MPRIP: variants seen among roughly 807,000 people sequenced by gnomAD.
MPRIP encodes the protein myosin phosphatase Rho-interacting protein.
Under a neutral mutation model 234.9 loss-of-function variants are expected in MPRIP, and 59 were observed. That is an observed-to-expected ratio of 0.25 (90% CI 0.20 to 0.31). The LOEUF is 0.31. MPRIP is among the 10% of genes least tolerant of loss of function. The pLI is 1.00. For synonymous variants in MPRIP, 1,144 were observed against 1,263.9 expected, an observed-to-expected ratio of 0.91 and a Z score of 2.01; for missense variants, 2,436 against 3,071.0, an observed-to-expected ratio of 0.79 and a Z score of 4.89.
At chr17:17,142,599 C>T in intron 7 of MPRIP, 28 bp from the exon 8 acceptor site, 1 of 1,608,844 alleles carries the variant, frequency 6.2e-7, no homozygotes. Flanking sequence ...CTCACTGCCA[C>T]CTCAGGGCCT....
chr17:17,172,803 G>A lies in MPRIP; in HGVS notation c.6578G>A (p.Arg2193Gln), dbSNP rs767133274. 24 of 1,612,150 alleles carry A rather than the reference G, an allele frequency of 1.5e-5. No homozygotes were observed. The South Asian group carries it at 1.5e-4, about 10-fold the overall frequency. ...GTCAACTCGGATGTTGAGGCCCTGCGGCGCCAGTACCTGTAAGTGGCTGGG... is the reference window on the plus strand; with the variant it reads ...GTCAACTCGGATGTTGAGGCCCTGCAGCGCCAGTACCTGTAAGTGGCTGGG... ...SSVNSDVEAL[R>Q]RQYLEELQSV... Residue 2193 changes from arginine (R) to glutamine (Q), a missense_variant, in exon 18 of 24, where the codon CGG becomes CAG. Coordinates refer to ENST00000651222, the MANE Select transcript of MPRIP (RefSeq NM_001364716.4).
chr17:17,103,872 C>T (rs1484744848), intron 3 of MPRIP, among the ~76,000 whole-genome samples: 9 of 152,158 alleles, frequency 5.9e-5, no homozygotes, highest in Admixed American at 5.9e-4. Context: ...AGAACCAAAC[C>T]TTCGAGTAAA....
intron 1 of MPRIP, among the ~76,000 whole-genome samples, chr17:17,051,929 G>T (rs2088554468): frequency 6.6e-6 from 1 of 152,250 alleles, no homozygotes; most frequent in Non-Finnish European, 1.5e-5. Context: ...TGGCCCTGGT[G>T]TCAGAGCTGC....
At position 17,154,433 on chromosome 17, in the gene MPRIP, C is replaced by T; in HGVS notation, c.1829+18C>T. 1 of 1,609,018 alleles carries T rather than the reference C, an allele frequency of 6.2e-7. No homozygotes were observed. The highest frequency in any genetic ancestry group is 8.5e-7 in the Non-Finnish European group (1 of 1,175,424). On this transcript the variant is annotated intron_variant, in intron 13 of 23. Transcript: ENST00000651222. ...GTGACCAGGTAGGATGGTGAAGACA[C>T]CAGGGAGCCCTTTGTGCCTCTTGTG...
At position 17,055,748 on chromosome 17, in the gene MPRIP, G is replaced by T. The variant is rs1415135383; in HGVS notation, c.123+12777G>T. Among the ~76,000 whole-genome samples the T allele has an allele frequency of 3.9e-5, 6 of 152,282 alleles. No homozygotes were observed. In the East Asian group the frequency reaches 9.6e-4, roughly 24 times the overall value. On this transcript the variant is annotated intron_variant, in intron 1 of 23. Coordinates refer to ENST00000651222, the MANE Select transcript of MPRIP (RefSeq NM_001364716.4). ...AGCTTAGGAGTCCTCTTCCTAGGGG[G>T]CCCGGCCAGCTAGCACCTGGCCTTC...
At chr17:17,158,271 G>A (rs2045776477) in intron 13 of MPRIP, among the ~76,000 whole-genome samples, 161 bp from the exon 14 acceptor site, 1 of 150,952 alleles carries the variant, frequency 6.6e-6, no homozygotes, top group Non-Finnish European at 1.5e-5. Flanking sequence ...GGTAAAGGCA[G>A]AGTATTCCTG....
chr17:17,127,245 A>G (rs572306387), intron 4 of MPRIP, among the ~76,000 whole-genome samples: 19 of 152,252 alleles, frequency 1.2e-4, no homozygotes, highest in African/African-American at 4.6e-4. Flanking sequence ...TCCACCACCT[A>G]TGAAAGCGCC....
At chr17:17,127,192 C>G (rs1236341114) in intron 4 of MPRIP, among the ~76,000 whole-genome samples, 1 of 152,258 alleles carries the variant, frequency 6.6e-6, no homozygotes, top group Non-Finnish European at 1.5e-5. Context: ...CGCCCTCCCC[C>G]AGTCTGGGAT....
chr17:17,174,627 GGATT>G (rs1344244945), intron 19 of MPRIP, among the ~76,000 whole-genome samples: 2 of 152,188 alleles, frequency 1.3e-5, no homozygotes, highest in East Asian at 3.9e-4. Flanking sequence ...ACAAGGTCAG[GGATT>G]GAGACCATCC....
At chr17:17,070,048 C>T (rs1489903535) in intron 1 of MPRIP, among the ~76,000 whole-genome samples, 1 of 152,126 alleles carries the variant, frequency 6.6e-6, no homozygotes, top group Non-Finnish European at 1.5e-5. Context: ...CAGGTGTTTT[C>T]TTTCAGCACC....
rs761082669 is a variant in MPRIP, at chr17:17,154,332, G to A, written c.1746G>A (p.Ser582=). ...IHTKEGEFTL[S]AMTSGIRRNW... is the part of the protein sequence containing the mutation. ...CAAAGGAGGGCGAGTTTACCCTGTC[G>A]GCCATGACATCTGGGATTCGGCGGA... Residue 582 remains serine (S), a synonymous_variant, in exon 13 of 24, where the codon TCG becomes TCA. Transcript: ENST00000651222. 3.5e-5 allele frequency: 56 copies of A among 1,613,982 alleles called. No homozygotes were observed. The highest frequency in any genetic ancestry group is 4.5e-5 in the Non-Finnish European group (53 of 1,180,010).
chr17:17,084,662 C>T (rs1460662427), intron 3 of MPRIP, among the ~76,000 whole-genome samples: 3 of 152,190 alleles, frequency 2.0e-5, no homozygotes, highest in African/African-American at 4.8e-5. Flanking sequence ...CTGCCTCGTG[C>T]GGGTGGAAAA....
intron 3 of MPRIP, among the ~76,000 whole-genome samples, chr17:17,108,081 A>T (rs2090097353): frequency 6.6e-6 from 1 of 152,060 alleles, no homozygotes; most frequent in Admixed American, 6.5e-5. Context: ...CCTGCTGGAG[A>T]AGGATGGCCC....
intron 13 of MPRIP, among the ~76,000 whole-genome samples, chr17:17,155,922 C>A (rs1018680670): frequency 1.3e-5 from 2 of 152,254 alleles, no homozygotes; most frequent in African/African-American, 4.8e-5. Flanking sequence ...CCAAGCTTGA[C>A]AAGCTAAGTG....
chr17:17,103,539 G>A (rs1309280666), intron 3 of MPRIP, among the ~76,000 whole-genome samples: 2 of 152,168 alleles, frequency 1.3e-5, no homozygotes, highest in African/African-American at 2.4e-5. Context: ...CCTGACCAAA[G>A]CAGATTTGTT....
At chr17:17,046,985 C>T (rs576417791) in intron 1 of MPRIP, among the ~76,000 whole-genome samples, 2 of 152,234 alleles carry the variant, frequency 1.3e-5, no homozygotes, top group South Asian at 2.1e-4. Flanking sequence ...CAAGACCAGC[C>T]TGGCCAACAT....
At chr17:17,049,878 A>G (rs2143834815) in intron 1 of MPRIP, among the ~76,000 whole-genome samples, 1 of 152,354 alleles carries the variant, frequency 6.6e-6, no homozygotes, top group South Asian at 2.1e-4. Context: ...TAAATTTTCC[A>G]GCGGCTACGT....
chr17:17,088,163 G>C (rs1172334982), intron 3 of MPRIP, among the ~76,000 whole-genome samples: 1 of 152,234 alleles, frequency 6.6e-6, no homozygotes, highest in Non-Finnish European at 1.5e-5. Flanking sequence ...TTTCAGTGAT[G>C]GAAGGTGATG....
chr17:17,071,011 C>T (rs549158563), intron 1 of MPRIP, among the ~76,000 whole-genome samples: 3 of 152,326 alleles, frequency 2.0e-5, no homozygotes, highest in Non-Finnish European at 4.4e-5. Context: ...CATGGGTTCC[C>T]TTCCCACTGG....
Sources: gnomAD v4.1 joint callset for allele counts (sites outside exome capture counted in the v4.1 genomes callset) on GRCh38, gnomAD v4.1.1 for gene constraint, MANE v1.5 for transcripts, NCBI Gene and HGNC (gene_info 2026-07-23, HGNC 2026-07-21) for gene names.